IPCEF1: variants seen among roughly 807,000 people sequenced by gnomAD.
IPCEF1 encodes the protein interaction protein for cytohesin exchange factors 1, also known as interactor protein for cytohesin exchange factors 1.
Under a neutral mutation model 50.9 loss-of-function variants are expected in IPCEF1, and 31 were observed. The ratio of observed to expected loss-of-function variants is 0.61; its 90% CI spans 0.46 to 0.82. The LOEUF (loss-of-function observed/expected upper bound fraction) is 0.82. IPCEF1 is among the 40% of genes least tolerant of loss of function. The pLI, the probability that IPCEF1 is intolerant of heterozygous loss-of-function variation, is 0.00. For synonymous variants in IPCEF1, 181 were observed against 192.0 expected, an observed-to-expected ratio of 0.94 and a Z score of 0.47; for missense variants, 458 against 514.0, an observed-to-expected ratio of 0.89 and a Z score of 1.05.
At position 154,333,676 on chromosome 6, in the gene IPCEF1, A is replaced by G. The variant is rs561234117; in HGVS notation, c.-62+22996T>C. Reference sequence around the variant, plus strand: ...TACATATATGTGTATATGTGTGTATATGTATATATGTGTATATATAGTGCG... The same window carrying G: ...TACATATATGTGTATATGTGTGTATGTGTATATATGTGTATATATAGTGCG... On this transcript the variant is annotated intron_variant, in intron 1 of 11. Transcript: ENST00000367220. 4.0e-4 allele frequency among the ~76,000 whole-genome samples: 60 copies of G among 151,638 alleles called. 1 individual carries two copies. In the South Asian group the frequency reaches 7.3e-3, roughly 18 times the overall value.
chr6:154,259,442 C>G (rs1031129834), intron 3 of IPCEF1, among the ~76,000 whole-genome samples: 2 of 152,080 alleles, frequency 1.3e-5, no homozygotes, highest in Non-Finnish European at 2.9e-5. Context: ...TACCTGAGGT[C>G]AGGAGTTCAA....
chr6:154,328,287 C>T (rs11753335), intron 1 of IPCEF1, among the ~76,000 whole-genome samples: 1,877 of 152,282 alleles, frequency 0.012, 34 homozygotes, highest in Admixed American at 0.037. Flanking sequence ...AATTCTAAAG[C>T]GTGGCTGATG....
chr6:154,349,625 A>G (rs1784089729), intron 1 of IPCEF1, among the ~76,000 whole-genome samples: 1 of 152,066 alleles, frequency 6.6e-6, no homozygotes, highest in South Asian at 2.1e-4. Context: ...TAATATATGT[A>G]CATTTGCCTA....
chr6:154,336,342 A>G (rs1305025139), intron 1 of IPCEF1, among the ~76,000 whole-genome samples: 1 of 152,256 alleles, frequency 6.6e-6, no homozygotes, highest in Admixed American at 6.5e-5. Flanking sequence ...TGGCCATAAA[A>G]AAGAATGAAA....
At chr6:154,228,472 C>A (rs893168028) in intron 5 of IPCEF1, among the ~76,000 whole-genome samples, 1 of 152,178 alleles carries the variant, frequency 6.6e-6, no homozygotes, top group Non-Finnish European at 1.5e-5. Context: ...AGAAGAAACA[C>A]GTTCCTTTTC....
intron 7 of IPCEF1, among the ~76,000 whole-genome samples, chr6:154,216,144 A>T (rs1381741642): frequency 2.6e-5 from 4 of 152,180 alleles, no homozygotes; most frequent in Admixed American, 6.5e-5. Flanking sequence ...ATAGAAACAC[A>T]CTTTCATATA....
chr6:154,184,689 A>G (rs2128572821), intron 10 of IPCEF1, among the ~76,000 whole-genome samples: 1 of 152,140 alleles, frequency 6.6e-6, no homozygotes, highest in African/African-American at 2.4e-5. Flanking sequence ...TTTTTTTCGA[A>G]TGAATGAATG....
At chr6:154,184,687 G>A (rs187183738) in intron 10 of IPCEF1, among the ~76,000 whole-genome samples, 17 of 151,836 alleles carry the variant, frequency 1.1e-4, no homozygotes, top group Admixed American at 3.9e-4. Flanking sequence ...TATTTTTTTC[G>A]AATGAATGAA....
intron 1 of IPCEF1, among the ~76,000 whole-genome samples, chr6:154,324,007 T>G (rs908474536): frequency 3.9e-5 from 6 of 152,208 alleles, no homozygotes; most frequent in African/African-American, 1.4e-4. Flanking sequence ...ACTGATCACA[T>G]TGAAAGTTTT....
intron 3 of IPCEF1, among the ~76,000 whole-genome samples, chr6:154,247,969 A>G (rs1781194511): frequency 6.6e-6 from 1 of 152,228 alleles, no homozygotes; most frequent in Non-Finnish European, 1.5e-5. Context: ...TCCTGCTACC[A>G]CGTAGGGTTA....
chr6:154,180,414 A>ATATATTTT (rs1241250621), intron 10 of IPCEF1, among the ~76,000 whole-genome samples: 1,036 of 64,898 alleles, frequency 0.016, 6 homozygotes, highest in Non-Finnish European at 0.026. Flanking sequence ...ATATATATAT[A>ATATATTTT]TTTTTTTTTT....
chr6:154,338,981 G>A (rs547263529), intron 1 of IPCEF1, among the ~76,000 whole-genome samples: 103 of 152,200 alleles, frequency 6.8e-4, no homozygotes, highest in African/African-American at 2.3e-3. Context: ...CTGCCTAGCT[G>A]CCTCACCCAT....
At chr6:154,227,352 G>T (rs1258091472) in intron 5 of IPCEF1, among the ~76,000 whole-genome samples, 1 of 152,134 alleles carries the variant, frequency 6.6e-6, no homozygotes, top group African/African-American at 2.4e-5. Context: ...GATCTCAAAT[G>T]ATATAATACA....
At chr6:154,299,260 G>A (rs996460558) in intron 1 of IPCEF1, among the ~76,000 whole-genome samples, 2 of 140,840 alleles carry the variant, frequency 1.4e-5, no homozygotes, top group African/African-American at 2.5e-5. Context: ...AAGAGACCAG[G>A]GGACAATTGC....
At chr6:154,299,254 G>A (rs543422104) in intron 1 of IPCEF1, among the ~76,000 whole-genome samples, 1 of 141,058 alleles carries the variant, frequency 7.1e-6, no homozygotes, top group East Asian at 2.0e-4. Flanking sequence ...TGAGAGAAGA[G>A]ACCAGGGGAC....
At chr6:154,321,607 A>G (rs960093578) in intron 1 of IPCEF1, among the ~76,000 whole-genome samples, 1 of 151,748 alleles carries the variant, frequency 6.6e-6, no homozygotes, top group East Asian at 1.9e-4. Context: ...GTGAAACCCC[A>G]TCTTTACTAA....
intron 11 of IPCEF1, 118 bp from the exon 12 acceptor site, chr6:154,160,158 G>T: frequency 1.3e-6 from 1 of 758,912 alleles, no homozygotes. Context: ...AAGCATTTTT[G>T]CACGTTAATG....
chr6:154,351,009 C>T (rs533034012), intron 1 of IPCEF1, among the ~76,000 whole-genome samples: 1 of 152,286 alleles, frequency 6.6e-6, no homozygotes, highest in East Asian at 1.9e-4. Flanking sequence ...CATCAACCAC[C>T]CCACCTGGCC....
chr6:154,281,786 T>C (rs1238707012), intron 2 of IPCEF1, among the ~76,000 whole-genome samples: 1 of 152,070 alleles, frequency 6.6e-6, no homozygotes, highest in Non-Finnish European at 1.5e-5. Flanking sequence ...GTGGATCACC[T>C]GAGGTTAGGA....
Sources: gnomAD v4.1 joint callset for allele counts (sites outside exome capture counted in the v4.1 genomes callset) on GRCh38, gnomAD v4.1.1 for gene constraint, MANE v1.5 for transcripts, NCBI Gene and HGNC (gene_info 2026-07-23, HGNC 2026-07-21) for gene names.